Variants in TESK2 observed in about 807,000 individuals in gnomAD.
TESK2 encodes the protein testis associated actin remodelling kinase 2.
In TESK2, 39 loss-of-function variants were observed where a neutral mutation model predicts 57.1. The observed-to-expected ratio is 0.68, with a 90% CI of 0.53 to 0.89. The LOEUF is 0.89. Ranked by LOEUF, TESK2 falls within the 40% of genes least tolerant of loss-of-function variation. The pLI, the probability that TESK2 is intolerant of heterozygous loss-of-function variation, is 0.00. For missense variants in TESK2, 646 were observed against 732.1 expected (o/e 0.88, Z 1.36); for synonymous variants, 249 against 267.9 (o/e 0.93, Z 0.69).
intron 1 of TESK2, among the ~76,000 whole-genome samples, chr1:45,474,476 A>G (rs1443808903): frequency 6.6e-6 from 1 of 150,988 alleles, no homozygotes; most frequent in Non-Finnish European, 1.5e-5. Flanking sequence ...TTTTTATTGT[A>G]TTTATTTATT....
At chr1:45,476,682 C>T (rs1302612923) in intron 1 of TESK2, among the ~76,000 whole-genome samples, 1 of 149,056 alleles carries the variant, frequency 6.7e-6, no homozygotes, top group African/African-American at 2.5e-5. Context: ...CCCATCTCTA[C>T]TAAAAACACA....
At chr1:45,418,441 C>T (rs1650336445) in intron 3 of TESK2, among the ~76,000 whole-genome samples, 1 of 152,206 alleles carries the variant, frequency 6.6e-6, no homozygotes, top group East Asian at 1.9e-4. Flanking sequence ...TCATAAACTA[C>T]AATCCTTTGG....
At chr1:45,387,811 AC>A (rs1648962845) in intron 3 of TESK2, among the ~76,000 whole-genome samples, 1 of 152,172 alleles carries the variant, frequency 6.6e-6, no homozygotes, top group African/African-American at 2.4e-5. Flanking sequence ...GTTCAAGACC[AC>A]CCTGGCCAAC....
In TESK2 at chr1:45,402,713, T is replaced by A. The variant is rs535094206; in HGVS notation, c.345-16753A>T. 2.6e-5 allele frequency among the ~76,000 whole-genome samples: 4 copies of A among 151,968 alleles called. No individual in the cohort carries two copies. The South Asian group carries it at 8.3e-4, about 32-fold the overall frequency. On this transcript the variant is annotated intron_variant, in intron 3 of 10. Transcript: ENST00000372086. Reference sequence around the variant, plus strand: ...GTCAGGCTAGTCTCAAACTCCCGACTTCAGGTGATCCGCCCACCTCGGCCT... The same window carrying A: ...GTCAGGCTAGTCTCAAACTCCCGACATCAGGTGATCCGCCCACCTCGGCCT...
At chr1:45,429,169 C>T (rs1054490951) in intron 2 of TESK2, among the ~76,000 whole-genome samples, 1 of 152,132 alleles carries the variant, frequency 6.6e-6, no homozygotes, top group Non-Finnish European at 1.5e-5. Flanking sequence ...ACTGAAAGCT[C>T]GCCAGGTGCG....
chr1:45,458,093 A>G (rs1473783364), intron 1 of TESK2, among the ~76,000 whole-genome samples: 1 of 152,212 alleles, frequency 6.6e-6, no homozygotes, highest in Non-Finnish European at 1.5e-5. Flanking sequence ...CACCAATTAC[A>G]TTCTAAGTAA....
chr1:45,463,554 T>C (rs2149301877), intron 1 of TESK2, among the ~76,000 whole-genome samples: 1 of 152,246 alleles, frequency 6.6e-6, no homozygotes, highest in South Asian at 2.1e-4. Context: ...GGTTCTCTAT[T>C]CTGTTCCATC....
At chr1:45,384,323 C>CCATG (rs556693124) in intron 4 of TESK2, among the ~76,000 whole-genome samples, 21 of 150,472 alleles carry the variant, frequency 1.4e-4, no homozygotes, top group African/African-American at 4.9e-4. Flanking sequence ...GGGTCTCACT[C>CCATG]TATGTATGTA....
intron 3 of TESK2, among the ~76,000 whole-genome samples, chr1:45,404,869 T>C (rs1490435307): frequency 6.6e-6 from 1 of 151,918 alleles, no homozygotes; most frequent in Non-Finnish European, 1.5e-5. Flanking sequence ...ATAAGAAAAA[T>C]AAAGATTAAG....
At chr1:45,478,339 GTCA>G (rs1653081823) in intron 1 of TESK2, among the ~76,000 whole-genome samples, 1 of 152,076 alleles carries the variant, frequency 6.6e-6, no homozygotes, top group Non-Finnish European at 1.5e-5. Context: ...AGTTATTATA[GTCA>G]TCATATAGTA....
intron 4 of TESK2, among the ~76,000 whole-genome samples, chr1:45,367,580 C>T (rs1370376066): frequency 1.3e-5 from 2 of 151,738 alleles, no homozygotes; most frequent in African/African-American, 4.8e-5. Flanking sequence ...AAATCCTGAC[C>T]TCAGGTGATC....
At chr1:45,408,584 T>C (rs1649932272) in intron 3 of TESK2, among the ~76,000 whole-genome samples, 1 of 152,216 alleles carries the variant, frequency 6.6e-6, no homozygotes, top group Admixed American at 6.5e-5. Flanking sequence ...AAAAATGTTT[T>C]AATTTTATTA....
At chr1:45,398,112 T>C (rs2149279102) in intron 3 of TESK2, among the ~76,000 whole-genome samples, 1 of 152,228 alleles carries the variant, frequency 6.6e-6, no homozygotes, top group Admixed American at 6.5e-5. Context: ...TTTCCTTATG[T>C]TGTCCAGGCT....
At chr1:45,377,321 G>C (rs1003119189) in intron 4 of TESK2, among the ~76,000 whole-genome samples, 5 of 150,910 alleles carry the variant, frequency 3.3e-5, no homozygotes, top group Admixed American at 1.3e-4. Context: ...ATATCACAAA[G>C]AAGAAAATAG....
intron 1 of TESK2, among the ~76,000 whole-genome samples, chr1:45,470,875 C>T (rs1371586705): frequency 6.6e-6 from 1 of 152,138 alleles, no homozygotes; most frequent in African/African-American, 2.4e-5. Context: ...GCCATTATTA[C>T]CCCCAATTTA....
intron 2 of TESK2, among the ~76,000 whole-genome samples, chr1:45,429,053 C>T (rs1650839050): frequency 6.6e-6 from 1 of 150,420 alleles, no homozygotes; most frequent in Non-Finnish European, 1.5e-5. Context: ...GATCTCCTGA[C>T]CTCGTGATCT....
intron 3 of TESK2, among the ~76,000 whole-genome samples, chr1:45,388,773 T>G (rs182420249): frequency 8.0e-4 from 108 of 135,210 alleles, no homozygotes; most frequent in African/African-American, 2.9e-3. Flanking sequence ...CAGGCTGGAG[T>G]GCAGTGGCGC....
chr1:45,365,111 G>A (rs1203484041), intron 4 of TESK2, among the ~76,000 whole-genome samples: 1 of 152,192 alleles, frequency 6.6e-6, no homozygotes, highest in Non-Finnish European at 1.5e-5. Context: ...CTTGGGTTAA[G>A]GAAGAAAAGA....
chr1:45,482,570 T>C (rs1653271605), intron 1 of TESK2, among the ~76,000 whole-genome samples: 1 of 146,862 alleles, frequency 6.8e-6, no homozygotes, highest in Admixed American at 7.0e-5. Context: ...GTACCACAGA[T>C]TGAGATCTGC....
Sources: allele counts gnomAD v4.1 joint callset (sites outside exome capture counted in the v4.1 genomes callset), GRCh38; gene constraint gnomAD v4.1.1; transcripts MANE v1.5; gene names NCBI Gene and HGNC (gene_info 2026-07-23, HGNC 2026-07-21).